Variants in GYPB observed in about 807,000 individuals in gnomAD.
GYPB encodes the protein glycophorin B (MNS blood group), also known as glycophorin-B.
A neutral mutation model predicts 15.3 loss-of-function variants in GYPB; 13 were observed. That is an observed-to-expected ratio of 0.85 (90% CI 0.55 to 1.35). The LOEUF (loss-of-function observed/expected upper bound fraction) is 1.35, where lower values mean the gene tolerates loss of function less well. Ranked by LOEUF, GYPB falls within the 40% of genes most tolerant of loss-of-function variation. The probability of loss-of-function intolerance (pLI) is 0.00; values close to 1 mark genes in which losing one functional copy is unlikely to be tolerated. For synonymous variants in GYPB, 38 were observed against 36.9 expected (o/e 1.03, Z -0.11); for missense variants, 131 against 108.3 (o/e 1.21, Z -0.93).
At position 144,014,573 on chromosome 4, in the gene GYPB, A is replaced by C. The variant is rs575119126; in HGVS notation, c.37+4678T>G. ...TGATTCCATTTATATGAAATATCTA[A>C]AATGGGTAAATCTGTAGAGGTAGAA... On this transcript the variant is annotated intron_variant, in intron 1 of 4. Coordinates refer to ENST00000502664, the MANE Select transcript of GYPB (RefSeq NM_002100.6). 5.6e-4 allele frequency among the ~76,000 whole-genome samples: 85 copies of C among 151,524 alleles called. 6 individuals are homozygous for C. The highest frequency in any genetic ancestry group is 2.0e-3 in the African/African-American group (80 of 40,814).
chr4:144,007,445 T>C (rs1727980490), intron 1 of GYPB, among the ~76,000 whole-genome samples: 1 of 151,550 alleles, frequency 6.6e-6, no homozygotes, highest in South Asian at 2.1e-4. Context: ...GAAGGTGTTG[T>C]GGCCTAGGAG....
chr4:144,011,635 T>C (rs1297273582), intron 1 of GYPB, among the ~76,000 whole-genome samples: 1 of 151,250 alleles, frequency 6.6e-6, no homozygotes, highest in African/African-American at 2.5e-5. Context: ...TCTCCAATTG[T>C]GATAGATCAA....
At chr4:144,015,805 G>A (rs1391574827) in intron 1 of GYPB, among the ~76,000 whole-genome samples, 1 of 151,112 alleles carries the variant, frequency 6.6e-6, no homozygotes, top group African/African-American at 2.5e-5. Flanking sequence ...GAATTTTGGG[G>A]ATTTATTGGG....
At chr4:144,009,235 T>C (rs1423697538) in intron 1 of GYPB, among the ~76,000 whole-genome samples, 2 of 151,380 alleles carry the variant, frequency 1.3e-5, no homozygotes, top group African/African-American at 4.9e-5. Context: ...CCTCACAACC[T>C]GTTCCCATCT....
rs1728194272 is a variant in GYPB at position 144,011,094 on chromosome 4, G to C, written c.37+8157C>G. On this transcript the variant is annotated intron_variant, in intron 1 of 4. Transcript: ENST00000502664. Reference sequence around the variant, plus strand: ...CTTTTAGATTGAGTCAAAAGAGATAGGTTAGGACTGGTGCAATGGCTCATG... The same window carrying C: ...CTTTTAGATTGAGTCAAAAGAGATACGTTAGGACTGGTGCAATGGCTCATG... 2.6e-5 allele frequency among the ~76,000 whole-genome samples: 4 copies of C among 151,626 alleles called. No individual in the cohort carries two copies. In the South Asian group the frequency reaches 8.3e-4, roughly 31 times the overall value.
intron 1 of GYPB, among the ~76,000 whole-genome samples, chr4:144,018,611 C>G (rs902295407): frequency 6.6e-6 from 1 of 151,230 alleles, no homozygotes; most frequent in African/African-American, 2.5e-5. Context: ...TAAATTTAAA[C>G]TAAGTTAAAT....
chr4:144,004,892 T>A (rs1354713306), intron 1 of GYPB, among the ~76,000 whole-genome samples: 1 of 151,760 alleles, frequency 6.6e-6, no homozygotes, highest in East Asian at 1.9e-4. Context: ...TTACTATAGC[T>A]ATATACTATT....
intron 1 of GYPB, among the ~76,000 whole-genome samples, chr4:144,005,523 C>G (rs913819265): frequency 6.6e-6 from 1 of 151,814 alleles, no homozygotes; most frequent in Non-Finnish European, 1.5e-5. Flanking sequence ...GATTATATCT[C>G]TTACCCCTCA....
chr4:144,011,816 G>A (rs929819554), intron 1 of GYPB, among the ~76,000 whole-genome samples: 4 of 151,278 alleles, frequency 2.6e-5, no homozygotes, highest in Non-Finnish European at 5.9e-5. Flanking sequence ...CTGATACAAT[G>A]TTTTTGAAGT....
intron 1 of GYPB, among the ~76,000 whole-genome samples, chr4:144,016,140 GAAAAAAAAAAAA>G (rs10594193): frequency 5.4e-4 from 21 of 38,860 alleles, no homozygotes; most frequent in African/African-American, 2.1e-3. Flanking sequence ...TTGGATCCCT[GAAAAAAAAAAAA>G]AAAAAAAAAA....
rs531839540 is a variant in GYPB at position 144,012,633 on chromosome 4, C to T, written c.37+6618G>A. 8 of 151,616 alleles carry T rather than the reference C, an allele frequency of 5.3e-5. No homozygotes were observed. In the Middle Eastern group the frequency reaches 0.01, roughly 193 times the overall value. The allele number at this position is 151,616 out of a possible 1,614,324, so 9.4% of individuals were successfully genotyped here. ...TTGCCCCAAGAACAGACATATTCTTCGGATAGAATTGAGACTCCAGAAATA... is the reference window on the plus strand; with the variant it reads ...TTGCCCCAAGAACAGACATATTCTTTGGATAGAATTGAGACTCCAGAAATA... On this transcript the variant is annotated intron_variant, in intron 1 of 4. Transcript: ENST00000502664.
intron 1 of GYPB, among the ~76,000 whole-genome samples, chr4:144,016,358 T>G (rs2149971059): frequency 6.7e-6 from 1 of 149,984 alleles, no homozygotes; most frequent in South Asian, 2.1e-4. Context: ...TTCTCTCTTC[T>G]CCCTTCTTGC....
rs377672458 is a variant in GYPB, at chr4:144,018,378, T to C, written c.37+873A>G. ...GTATCTTAGAAAATGCTGATCTCTC[T>C]TCCCTGTATGCTACAGAGTGCTCAG... On this transcript the variant is annotated intron_variant, in intron 1 of 4. Transcript: ENST00000502664. Among the ~76,000 whole-genome samples the C allele has an allele frequency of 6.4e-4, 97 of 151,156 alleles. 3 individuals carry two copies. Among genetic ancestry groups the C allele is most frequent in the Middle Eastern group, 3.4e-3 (1 of 294 alleles).
chr4:144,010,428 C>T lies in GYPB; in HGVS notation c.37+8823G>A, dbSNP rs370685565. 3.8e-4 allele frequency among the ~76,000 whole-genome samples: 57 copies of T among 149,446 alleles called. No homozygotes were observed. The East Asian group carries it at 4.3e-3, about 11-fold the overall frequency. On this transcript the variant is annotated intron_variant, in intron 1 of 4. Coordinates refer to ENST00000502664, the MANE Select transcript of GYPB (RefSeq NM_002100.6). The stretch of plus-strand genomic sequence containing the variant: ...AGACTGAAGTAAGCTATGACTGTGC[C>T]GTTGCAGTCCAGCTTAGGCCACAGA...
intron 1 of GYPB, among the ~76,000 whole-genome samples, chr4:144,013,225 T>C (rs989375676): frequency 6.6e-6 from 1 of 151,028 alleles, no homozygotes; most frequent in Non-Finnish European, 1.5e-5. Flanking sequence ...TGAGATACCA[T>C]CTCACACCAG....
chr4:144,017,055 T>G (rs1272132032), intron 1 of GYPB, among the ~76,000 whole-genome samples: 1 of 150,734 alleles, frequency 6.6e-6, no homozygotes, highest in Non-Finnish European at 1.5e-5. Flanking sequence ...GTTCCATTTA[T>G]TATCTGCATT....
chr4:144,002,293 G>C (rs1363190139), intron 1 of GYPB, among the ~76,000 whole-genome samples: 1 of 151,416 alleles, frequency 6.6e-6, no homozygotes, highest in Non-Finnish European at 1.5e-5. Flanking sequence ...TGAACTTTTA[G>C]TTGTTATATG....
At chr4:144,010,092 T>A (rs1728139725) in intron 1 of GYPB, among the ~76,000 whole-genome samples, 1 of 151,280 alleles carries the variant, frequency 6.6e-6, no homozygotes, top group South Asian at 2.1e-4. Context: ...GAGAAAATTC[T>A]AACCTGCAGT....
At chr4:144,003,571 TC>T (rs1727732459) in intron 1 of GYPB, among the ~76,000 whole-genome samples, 1 of 151,482 alleles carries the variant, frequency 6.6e-6, no homozygotes, top group African/African-American at 2.5e-5. Flanking sequence ...TTAAATGAAG[TC>T]AGAGAAGGTG....
Sources: allele counts gnomAD v4.1 joint callset (sites outside exome capture counted in the v4.1 genomes callset), GRCh38; gene constraint gnomAD v4.1.1; transcripts MANE v1.5; gene names NCBI Gene and HGNC (gene_info 2026-07-23, HGNC 2026-07-21).